INO80E: variants seen among roughly 807,000 people sequenced by gnomAD.
INO80E encodes coiled-coil domain containing 95.
In INO80E, 20 loss-of-function variants were observed where a neutral mutation model predicts 27.3. The observed-to-expected ratio is 0.73, with a 90% confidence interval of 0.51 to 1.06. The LOEUF is 1.06. INO80E is among the 50% of genes least tolerant of loss of function. The probability of loss-of-function intolerance (pLI) is 0.00; values close to 1 mark genes in which losing one functional copy is unlikely to be tolerated. For missense variants in INO80E, 357 were observed against 322.8 expected (o/e 1.11, Z -0.81); for synonymous variants, 167 against 145.9 (o/e 1.14, Z -1.04).
intron 6 of INO80E, chr16:30,002,414 T>C (rs2150937655): frequency 6.6e-6 from 1 of 152,662 alleles, no homozygotes; most frequent in East Asian, 1.9e-4. Flanking sequence ...AGTGATCTAA[T>C]TGCATCTTAA....
rs776019265 is a variant in INO80E, at chr16:29,996,387, T to C, written c.77T>C (p.Ile26Thr). ...CTGAAGCGGAAGCTCAAGTTCCTCA[T>C]CTACGTGAGTGCTGCCGCGGGAAGG... ...RNLKRKLKFL[I>T]YEHECFQEEL... Residue 26 changes from isoleucine (I) to threonine (T), a missense_variant, in exon 1 of 7, where the codon ATC (isoleucine) becomes ACC (threonine). Ile to Thr is a moderately conservative substitution (Grantham distance 89). Coordinates refer to ENST00000563197, the MANE Select transcript of INO80E (RefSeq NM_173618.3). 3.1e-6 allele frequency: 5 copies of C among 1,588,816 alleles called. No individual in the cohort carries two copies. The highest frequency in any genetic ancestry group is 4.3e-6 in the Non-Finnish European group (5 of 1,167,286).
Position 30,005,442 on chromosome 16 carries a change from A to C in INO80E, c.735A>C (p.Ter245CysextTer2), listed in dbSNP as rs956321757. The C allele has an allele frequency of 5.0e-6, 8 of 1,594,624 alleles. No individual in the cohort carries two copies. The highest frequency in any genetic ancestry group is 6.0e-6 in the Non-Finnish European group (7 of 1,171,340). Residue 245 changes from the stop codon to cysteine (C), a stop_lost, in exon 7 of 7, where the codon TGA becomes TGC. Transcript: ENST00000563197. ...ACCTGGTGATCGACATCCCGGAGTG[A>C]CCGTGACATCACGCCATGCCCACCA... ...DDDLVIDIPE[*>C]
At chr16:30,001,120 G>C (rs2070334581) in intron 5 of INO80E, 80 bp downstream of exon 5, 2 of 1,486,414 alleles carry the variant, frequency 1.3e-6, no homozygotes, top group African/African-American at 2.8e-5. Context: ...CTCGGGGCAA[G>C]GCCAGCCCAA....
chr16:30,001,328 T>C, intron 5 of INO80E, 86 bp from the exon 6 acceptor site: 1 of 1,509,492 alleles, frequency 6.6e-7, no homozygotes, highest in South Asian at 1.3e-5. Context: ...CTTTTGTTTT[T>C]CCATCCTCCT....
intron 2 of INO80E, 37 bp downstream of exon 2, chr16:29,996,654 C>T: frequency 1.3e-6 from 2 of 1,582,036 alleles, no homozygotes; most frequent in Non-Finnish European, 1.7e-6. Flanking sequence ...CGATGTGCTT[C>T]CTAGGAAATC....
At chr16:30,001,566 CG>C (rs760920732) in intron 6 of INO80E, 36 bp downstream of exon 6, 1 of 1,586,282 alleles carries the variant, frequency 6.3e-7, no homozygotes, top group Admixed American at 1.8e-5. Flanking sequence ...AGGGGCAGGA[CG>C]GCAGGAGGAC....
In INO80E at chr16:30,000,748, C is replaced by T. The variant is rs756585454; in HGVS notation, c.206-10C>T. Reference sequence around the variant, plus strand: ...CCCCCATCCCCACTGACCAGCTGTCCCCATCACAGACTCAGATGCCACTGC... The same window carrying T: ...CCCCCATCCCCACTGACCAGCTGTCTCCATCACAGACTCAGATGCCACTGC... On this transcript the variant is annotated splice_polypyrimidine_tract_variant and intron_variant, in intron 3 of 6. Coordinates refer to ENST00000563197, the MANE Select transcript of INO80E (RefSeq NM_173618.3). 3.1e-6 allele frequency: 5 copies of T among 1,613,256 alleles called. No individual in the cohort carries two copies. The highest frequency in any genetic ancestry group is 8.5e-7 in the Non-Finnish European group (1 of 1,179,204).
chr16:30,005,121 C>T, intron 6 of INO80E, 100 bp from the exon 7 acceptor site: 1 of 1,320,602 alleles, frequency 7.6e-7, no homozygotes, highest in Non-Finnish European at 9.9e-7. Context: ...CCCAGGGCCT[C>T]TTCCCCCTCC....
chr16:30,000,427 G>C (rs1322988240), intron 3 of INO80E, among the ~76,000 whole-genome samples: 1 of 152,174 alleles, frequency 6.6e-6, no homozygotes. Context: ...CTGGCGTGCA[G>C]TGTTAAAATC....
chr16:29,997,961 G>A (rs1013677598), intron 3 of INO80E, among the ~76,000 whole-genome samples: 1 of 151,596 alleles, frequency 6.6e-6, no homozygotes. Flanking sequence ...GTATACATGT[G>A]GTCCCAGCTA....
intron 3 of INO80E, among the ~76,000 whole-genome samples, chr16:29,997,269 C>G (rs1237470221): frequency 6.6e-6 from 1 of 152,122 alleles, no homozygotes. Flanking sequence ...GGTAAGTAAG[C>G]TTTTTGCAAC....
chr16:29,999,112 C>T lies in INO80E; in HGVS notation c.206-1646C>T, dbSNP rs545307149. 1.1e-4 allele frequency among the ~76,000 whole-genome samples: 16 copies of T among 151,570 alleles called. No homozygotes were observed. In the South Asian group the frequency reaches 2.5e-3, roughly 24 times the overall value. On this transcript the variant is annotated intron_variant, in intron 3 of 6. Transcript: ENST00000563197. ...TGTGGCAGCCAGCCACGTTTTAGGA[C>T]GTAGTGTTTTGTCAGAACGCATGAT... is the stretch of plus-strand genomic sequence containing the variant.
intron 6 of INO80E, chr16:30,004,265 G>A (rs532143744): frequency 5.9e-5 from 9 of 152,504 alleles, no homozygotes; most frequent in African/African-American, 2.2e-4. Context: ...CTGAGGCTGG[G>A]AGGGCATTAA....
chr16:29,996,391 C>T lies in INO80E; in HGVS notation c.81C>T (p.Tyr27=). 1 of 1,587,554 alleles carries T rather than the reference C, an allele frequency of 6.3e-7. No homozygotes were observed. Among genetic ancestry groups the T allele is most frequent in the South Asian group, 1.1e-5 (1 of 87,620 alleles). Residue 27 remains tyrosine, a splice_region_variant and synonymous_variant, in exon 1 of 7, where the codon TAC becomes TAT. Coordinates refer to ENST00000563197, the MANE Select transcript of INO80E (RefSeq NM_173618.3). ...NLKRKLKFLI[Y]EHECFQEELR... Reference sequence around the variant, plus strand: ...AGCGGAAGCTCAAGTTCCTCATCTACGTGAGTGCTGCCGCGGGAAGGCTGT... The same window carrying T: ...AGCGGAAGCTCAAGTTCCTCATCTATGTGAGTGCTGCCGCGGGAAGGCTGT...
At position 30,001,764 on chromosome 16, in the gene INO80E, C is replaced by CT. The variant is rs1297923317; in HGVS notation, c.513+237dup. On this transcript the variant is annotated intron_variant, in intron 6 of 6. Transcript: ENST00000563197. ...GTGTGCAGATGCCAGGGATCCCGCC[C>CT]TTTCATGGCTGCAGTGTAGCGGGGC... 17 of 506,854 alleles carry CT rather than the reference C, an allele frequency of 3.4e-5. 1 individual carries two copies. In the East Asian group the frequency reaches 5.6e-4, roughly 17 times the overall value. The allele number at this position is 506,854 out of a possible 1,614,324, so 31.4% of individuals were successfully genotyped here. A position where few individuals can be genotyped will look rare whatever the true frequency, so the allele number is the denominator to read the frequency against.
In INO80E at chr16:29,996,277, A is replaced by T; in HGVS notation, c.-34A>T. ...GGCAGCCACTGCTTGGGGTAGCGGGAGGGCAGACTCTGGGCGCCACTCCCG... is the reference window on the plus strand; with the variant it reads ...GGCAGCCACTGCTTGGGGTAGCGGGTGGGCAGACTCTGGGCGCCACTCCCG... On this transcript the variant is annotated 5_prime_UTR_variant, in exon 1 of 7. Transcript: ENST00000563197. The T allele has an allele frequency of 1.9e-6, 3 of 1,556,558 alleles. No individual in the cohort carries two copies. The highest frequency in any genetic ancestry group is 2.6e-6 in the Non-Finnish European group (3 of 1,149,062).
rs1596690998 is a variant in INO80E, at chr16:30,005,646, G to A, written c.*204G>A. 1.7e-5 allele frequency: 10 copies of A among 593,864 alleles called. No individual in the cohort carries two copies. Among genetic ancestry groups the A allele is most frequent in the South Asian group, 1.1e-4 (5 of 46,880 alleles). The allele number at this position is 593,864 out of a possible 1,614,324, so 36.8% of individuals were successfully genotyped here. A position where few individuals can be genotyped will look rare whatever the true frequency, so the allele number is the denominator to read the frequency against. On this transcript the variant is annotated 3_prime_UTR_variant, in exon 7 of 7. Coordinates refer to ENST00000563197, the MANE Select transcript of INO80E (RefSeq NM_173618.3). Reference sequence around the variant, plus strand: ...TGCCTTCAAACCCCGGCCCCCTCCAGGGGACAGTTATTTAAACGAGTGGCC... The same window carrying A: ...TGCCTTCAAACCCCGGCCCCCTCCAAGGGACAGTTATTTAAACGAGTGGCC...
At chr16:29,997,412 A>G (rs1404620697) in intron 3 of INO80E, among the ~76,000 whole-genome samples, 1 of 151,524 alleles carries the variant, frequency 6.6e-6, no homozygotes, top group Non-Finnish European at 1.5e-5. Flanking sequence ...ATTTTTCCAT[A>G]TGAAAAATTT....
At chr16:29,998,735 T>C (rs1040044876) in intron 3 of INO80E, among the ~76,000 whole-genome samples, 4 of 152,062 alleles carry the variant, frequency 2.6e-5, no homozygotes, top group African/African-American at 9.7e-5. Flanking sequence ...GAATCACCTC[T>C]CTCCGTGGTG....
Sources: allele counts gnomAD v4.1 joint callset (sites outside exome capture counted in the v4.1 genomes callset), GRCh38; gene constraint gnomAD v4.1.1; transcripts MANE v1.5; gene names NCBI Gene and HGNC (gene_info 2026-07-23, HGNC 2026-07-21).